TBC1D22A: variants seen among roughly 807,000 people sequenced by gnomAD.
TBC1D22A encodes TBC1 domain family member 22A.
TBC1D22A carries 38 observed loss-of-function variants against 60.2 expected under a neutral mutation model. The observed-to-expected ratio is 0.63, with a 90% CI of 0.49 to 0.83. The LOEUF (loss-of-function observed/expected upper bound fraction) is 0.83, where lower values mean the gene tolerates loss of function less well. Ranked by LOEUF, TBC1D22A falls within the 40% of genes least tolerant of loss-of-function variation. TBC1D22A has a pLI of 0.00. For missense variants in TBC1D22A, 628 were observed against 701.0 expected (o/e 0.90, Z 1.18); for synonymous variants, 302 against 281.7 (o/e 1.07, Z -0.72).
At chr22:47,043,981 G>T (rs2062940302) in intron 11 of TBC1D22A, among the ~76,000 whole-genome samples, 1 of 152,222 alleles carries the variant, frequency 6.6e-6, no homozygotes, top group Non-Finnish European at 1.5e-5. Context: ...GCAGGTGCTG[G>T]GGAGGAGCCT....
intron 12 of TBC1D22A, among the ~76,000 whole-genome samples, chr22:47,153,538 A>T (rs981909809): frequency 6.6e-6 from 1 of 150,626 alleles, no homozygotes; most frequent in Non-Finnish European, 1.5e-5. Context: ...GGTGGGTTCG[A>T]GGGGGAAAGA....
At chr22:46,812,113 G>C (rs1478472323) in intron 4 of TBC1D22A, among the ~76,000 whole-genome samples, 1 of 152,116 alleles carries the variant, frequency 6.6e-6, no homozygotes, top group South Asian at 2.1e-4. Flanking sequence ...GAGGTTAATC[G>C]GGCTTCTGGT....
At chr22:47,047,694 A>C (rs768639446) in intron 11 of TBC1D22A, among the ~76,000 whole-genome samples, 4 of 152,224 alleles carry the variant, frequency 2.6e-5, no homozygotes, top group Admixed American at 6.5e-5. Context: ...ATGAACACTC[A>C]GTTGACCTCA....
At chr22:46,883,530 G>C (rs1013424187) in intron 5 of TBC1D22A, among the ~76,000 whole-genome samples, 1 of 152,204 alleles carries the variant, frequency 6.6e-6, no homozygotes, top group Non-Finnish European at 1.5e-5. Context: ...GCATTCCGAT[G>C]ATGACGTGCT....
chr22:47,133,125 C>T (rs2066740366), intron 12 of TBC1D22A, among the ~76,000 whole-genome samples: 1 of 152,224 alleles, frequency 6.6e-6, no homozygotes, highest in African/African-American at 2.4e-5. Flanking sequence ...CAGTGTTCAA[C>T]TTTGTATTCA....
At chr22:46,967,528 TGTG>T (rs1352510396) in intron 8 of TBC1D22A, among the ~76,000 whole-genome samples, 6 of 152,230 alleles carry the variant, frequency 3.9e-5, no homozygotes, top group African/African-American at 1.4e-4. Context: ...GGGTGATGAA[TGTG>T]GTGGTAACGG....
intron 4 of TBC1D22A, among the ~76,000 whole-genome samples, chr22:46,820,878 C>T (rs546419467): frequency 6.6e-6 from 1 of 152,166 alleles, no homozygotes. Flanking sequence ...TTGTAGGTCT[C>T]TAAGAACTTG....
At chr22:46,889,554 C>T (rs1162787523) in intron 5 of TBC1D22A, among the ~76,000 whole-genome samples, 2 of 152,200 alleles carry the variant, frequency 1.3e-5, no homozygotes, top group Admixed American at 1.3e-4. Context: ...CCACGAAAAT[C>T]CTGTGCAGGA....
intron 4 of TBC1D22A, among the ~76,000 whole-genome samples, chr22:46,832,181 A>G (rs2086338981): frequency 6.6e-6 from 1 of 152,198 alleles, no homozygotes. Flanking sequence ...TCCATGCATC[A>G]TGGCAGGGAA....
intron 4 of TBC1D22A, among the ~76,000 whole-genome samples, chr22:46,801,452 G>A (rs971650489): frequency 3.3e-4 from 50 of 152,220 alleles, no homozygotes; most frequent in African/African-American, 1.1e-3. Flanking sequence ...TTTAGCTTAC[G>A]CTCTGTTATG....
chr22:47,140,465 A>C (rs945376688), intron 12 of TBC1D22A, among the ~76,000 whole-genome samples: 1 of 151,744 alleles, frequency 6.6e-6, no homozygotes, highest in Non-Finnish European at 1.5e-5. Context: ...AGGCTGAGGC[A>C]GGAGAATGGT....
At chr22:46,825,823 A>G (rs1453797147) in intron 4 of TBC1D22A, among the ~76,000 whole-genome samples, 1 of 152,034 alleles carries the variant, frequency 6.6e-6, no homozygotes, top group Non-Finnish European at 1.5e-5. Context: ...TTGCATATGT[A>G]ATATGAAAAA....
intron 7 of TBC1D22A, among the ~76,000 whole-genome samples, chr22:46,907,067 A>G (rs2069535882): frequency 1.4e-5 from 2 of 138,506 alleles, no homozygotes; most frequent in South Asian, 2.4e-4. Flanking sequence ...TCTTCTCCAC[A>G]TGTGTGCTCT....
intron 8 of TBC1D22A, among the ~76,000 whole-genome samples, chr22:46,922,779 T>G (rs5767413): frequency 0.68 from 103,435 of 152,104 alleles, 35,328 homozygotes; most frequent in South Asian, 0.79. Context: ...TGTACATTGA[T>G]TTTTGTATTC....
chr22:46,856,730 T>G (rs2147317900), intron 4 of TBC1D22A, among the ~76,000 whole-genome samples: 1 of 152,368 alleles, frequency 6.6e-6, no homozygotes, highest in Non-Finnish European at 1.5e-5. Context: ...TTAAACATTT[T>G]GGGTCTGTTT....
At chr22:46,813,304 G>C (rs1190969079) in intron 4 of TBC1D22A, among the ~76,000 whole-genome samples, 1 of 152,184 alleles carries the variant, frequency 6.6e-6, no homozygotes, top group Non-Finnish European at 1.5e-5. Context: ...TATTACCTAA[G>C]CCACATATTA....
At chr22:47,094,282 A>G (rs1391574744) in intron 11 of TBC1D22A, among the ~76,000 whole-genome samples, 2 of 152,224 alleles carry the variant, frequency 1.3e-5, no homozygotes, top group Non-Finnish European at 2.9e-5. Flanking sequence ...AAGTTTGTCA[A>G]AAAAATGGTC....
chr22:46,801,934 C>A (rs909103647), intron 4 of TBC1D22A, among the ~76,000 whole-genome samples: 1 of 152,206 alleles, frequency 6.6e-6, no homozygotes, highest in African/African-American at 2.4e-5. Context: ...AGCACTAATA[C>A]GAGTAGATGC....
At chr22:46,791,259 C>G (rs147726883) in intron 1 of TBC1D22A, among the ~76,000 whole-genome samples, 1,554 of 152,286 alleles carry the variant, frequency 0.01, 23 homozygotes, top group African/African-American at 0.036. Context: ...TGAGCTCAAG[C>G]GATCCGCCCA....
Sources: allele counts gnomAD v4.1 joint callset (sites outside exome capture counted in the v4.1 genomes callset), GRCh38; gene constraint gnomAD v4.1.1; transcripts MANE v1.5; gene names NCBI Gene and HGNC (gene_info 2026-07-23, HGNC 2026-07-21).